The following TANGO6 variants were observed in gnomAD, a reference collection of about 807,000 sequenced individuals.
TANGO6 encodes transport and golgi organization 6 homolog.
In TANGO6, 90 loss-of-function variants were observed where a neutral mutation model predicts 114.2. The observed-to-expected ratio is 0.79, with a 90% confidence interval of 0.66 to 0.94. TANGO6 has a LOEUF of 0.94. TANGO6 is among the 40% of genes least tolerant of loss of function. TANGO6 has a pLI of 0.00. For synonymous variants in TANGO6, 477 were observed against 509.8 expected, an observed-to-expected ratio of 0.94 and a Z score of 0.87; for missense variants, 1,274 against 1,315.3, an observed-to-expected ratio of 0.97 and a Z score of 0.49.
intron 17 of TANGO6, among the ~76,000 whole-genome samples, chr16:69,041,238 G>A (rs1959769431): frequency 1.3e-5 from 2 of 152,170 alleles, no homozygotes; most frequent in Non-Finnish European, 1.5e-5. Flanking sequence ...CCTGAGGTCA[G>A]GAGTTCGAGA....
At chr16:68,967,225 G>T (rs1963655735) in intron 14 of TANGO6, among the ~76,000 whole-genome samples, 1 of 152,160 alleles carries the variant, frequency 6.6e-6, no homozygotes, top group African/African-American at 2.4e-5. Flanking sequence ...TGGGAGGGCG[G>T]GGATGGTTTC....
chr16:68,864,042 C>T (rs573576393), intron 3 of TANGO6, among the ~76,000 whole-genome samples: 2 of 151,566 alleles, frequency 1.3e-5, no homozygotes, highest in African/African-American at 4.8e-5. Context: ...GGCATGGTGA[C>T]GCATGCCTGT....
At chr16:69,075,699 C>T (rs1158631875) in intron 17 of TANGO6, among the ~76,000 whole-genome samples, 1 of 151,762 alleles carries the variant, frequency 6.6e-6, no homozygotes, top group African/African-American at 2.4e-5. Flanking sequence ...GGCAATCCTC[C>T]TGCCTTGGCC....
chr16:68,891,370 G>C, intron 7 of TANGO6, among the ~76,000 whole-genome samples: 1 of 151,878 alleles, frequency 6.6e-6, no homozygotes, highest in South Asian at 2.1e-4. Flanking sequence ...TGAGGCAGGA[G>C]AATCACCTGA....
intron 14 of TANGO6, among the ~76,000 whole-genome samples, chr16:68,935,668 G>T (rs1963292331): frequency 6.6e-6 from 1 of 152,080 alleles, no homozygotes; most frequent in African/African-American, 2.4e-5. Flanking sequence ...CTGAGTTCCG[G>T]TTACCCTATA....
At chr16:69,072,211 G>A (rs1355843124) in intron 17 of TANGO6, among the ~76,000 whole-genome samples, 3 of 151,780 alleles carry the variant, frequency 2.0e-5, no homozygotes, top group African/African-American at 7.3e-5. Context: ...CCCTTCCAAA[G>A]AGTTTTCAGA....
chr16:68,904,889 A>C (rs1198043613), intron 9 of TANGO6, among the ~76,000 whole-genome samples: 1 of 152,192 alleles, frequency 6.6e-6, no homozygotes, highest in Non-Finnish European at 1.5e-5. Flanking sequence ...GCTTGAGGCC[A>C]GGAGTTCAAG....
chr16:68,931,380 G>T (rs1963236826), intron 14 of TANGO6, among the ~76,000 whole-genome samples: 1 of 152,166 alleles, frequency 6.6e-6, no homozygotes, highest in African/African-American at 2.4e-5. Flanking sequence ...GTTACTACTT[G>T]GCCCAGCAAT....
At chr16:68,962,274 G>T (rs1012935920) in intron 14 of TANGO6, among the ~76,000 whole-genome samples, 1 of 152,074 alleles carries the variant, frequency 6.6e-6, no homozygotes, top group East Asian at 1.9e-4. Flanking sequence ...CTAAAGGGTG[G>T]TATTTCCTTC....
chr16:69,022,711 AAAT>A, intron 15 of TANGO6, 114 bp from the exon 16 acceptor site: 1 of 1,243,650 alleles, frequency 8.0e-7, no homozygotes, highest in Non-Finnish European at 1.1e-6. Context: ...CTCAAAAAAA[AAAT>A]AAAAACAAAA....
At chr16:68,872,170 G>A (rs1051841349) in intron 4 of TANGO6, among the ~76,000 whole-genome samples, 27 of 151,508 alleles carry the variant, frequency 1.8e-4, no homozygotes, top group Admixed American at 5.9e-4. Context: ...TCAGTGAGCC[G>A]AGATCTCGCC....
rs1959754679 is a variant in TANGO6 at position 69,040,428 on chromosome 16, C to T, written c.3108+7C>T. 2 of 1,585,356 alleles carry T rather than the reference C, an allele frequency of 1.3e-6. No individual in the cohort carries two copies. The highest frequency in any genetic ancestry group is 2.7e-5 in the African/African-American group (2 of 74,426). ...CAGCCAGAAAGCTACTGAGGTCAGT[C>T]CGTCTCTCGCCCTTTGCAATTTCTC... On this transcript the variant is annotated splice_region_variant and intron_variant, in intron 17 of 17. Transcript: ENST00000261778.
At chr16:69,023,048 G>A in intron 16 of TANGO6, 69 bp downstream of exon 16, 1 of 1,442,346 alleles carries the variant, frequency 6.9e-7, no homozygotes, top group Non-Finnish European at 9.2e-7. Flanking sequence ...TTGAGATTGG[G>A]AGTCAGGAGA....
rs116630489 is a variant in TANGO6 at position 68,984,811 on chromosome 16, C to T, written c.2842+10643C>T. On this transcript the variant is annotated intron_variant, in intron 15 of 17. Coordinates refer to ENST00000261778, the MANE Select transcript of TANGO6 (RefSeq NM_024562.2). ...TGTTGGGATCACAGATGTGAACCAC[C>T]ACACCTGGCCCAGAAAAATATTTAA... 9.5e-3 allele frequency among the ~76,000 whole-genome samples: 1,442 copies of T among 152,070 alleles called. 22 individuals carry two copies. Among genetic ancestry groups the T allele is most frequent in the African/African-American group, 0.033 (1,367 of 41,472 alleles).
At position 69,022,823 on chromosome 16, in the gene TANGO6, T is replaced by C. The variant is rs776765666; in HGVS notation, c.2843-5T>C. ...GGGGTTTTGATTTCTTCCTTTTTCC[T>C]ATAGGAGACATGGTCTCAAAGTACC... On this transcript the variant is annotated splice_region_variant and splice_polypyrimidine_tract_variant and intron_variant, in intron 15 of 17. Coordinates refer to ENST00000261778, the MANE Select transcript of TANGO6 (RefSeq NM_024562.2). The C allele has an allele frequency of 3.2e-6, 5 of 1,569,868 alleles. No individual in the cohort carries two copies. In the Admixed American group the frequency reaches 5.7e-5, roughly 18 times the overall value.
intron 13 of TANGO6, among the ~76,000 whole-genome samples, chr16:68,929,568 G>T (rs1370426737): frequency 6.6e-6 from 1 of 152,122 alleles, no homozygotes; most frequent in African/African-American, 2.4e-5. Flanking sequence ...ATTATATATG[G>T]AGCAGACACT....
intron 17 of TANGO6, among the ~76,000 whole-genome samples, chr16:69,056,670 A>G (rs1960036794): frequency 6.6e-6 from 1 of 152,214 alleles, no homozygotes; most frequent in African/African-American, 2.4e-5. Flanking sequence ...TACTTTGGGA[A>G]ATAATGCAAC....
intron 16 of TANGO6, among the ~76,000 whole-genome samples, chr16:69,036,830 G>T (rs1258937787): frequency 1.3e-5 from 2 of 152,080 alleles, no homozygotes; most frequent in Non-Finnish European, 2.9e-5. Flanking sequence ...ATGCGTAGTG[G>T]TACACGCCTG....
rs180700951 is a variant in TANGO6 at position 68,984,766 on chromosome 16, C to T, written c.2842+10598C>T. Among the ~76,000 whole-genome samples the T allele has an allele frequency of 9.5e-3, 1,441 of 152,216 alleles. 21 individuals carry two copies. The highest frequency in any genetic ancestry group is 0.033 in the African/African-American group (1,366 of 41,514). ...CAAACTCCTGAGCTCAAGTGATCTG[C>T]CTGTGTCAGCCTCTCAAAGTGTTGG... On this transcript the variant is annotated intron_variant, in intron 15 of 17. Transcript: ENST00000261778.
Sources: allele counts gnomAD v4.1 joint callset (sites outside exome capture counted in the v4.1 genomes callset), GRCh38; gene constraint gnomAD v4.1.1; transcripts MANE v1.5; gene names NCBI Gene and HGNC (gene_info 2026-07-23, HGNC 2026-07-21).